The following GOLGA1 variants were observed in gnomAD, a reference collection of about 807,000 sequenced individuals.
GOLGA1 encodes golgin subfamily A member 1.
A neutral mutation model predicts 119.7 loss-of-function variants in GOLGA1; 63 were observed. The observed-to-expected ratio is 0.53, with a 90% CI of 0.43 to 0.65. GOLGA1 has a LOEUF of 0.65. GOLGA1 is among the 30% of genes least tolerant of loss of function. GOLGA1 has a pLI of 0.00. For missense variants in GOLGA1, 798 were observed against 912.8 expected, an observed-to-expected ratio of 0.87 and a Z score of 1.62; for synonymous variants, 318 against 333.4, an observed-to-expected ratio of 0.95 and a Z score of 0.50.
At chr9:124,909,909 C>T (rs894676895) in intron 11 of GOLGA1, among the ~76,000 whole-genome samples, 3 of 152,014 alleles carry the variant, frequency 2.0e-5, no homozygotes, top group Non-Finnish European at 4.4e-5. Flanking sequence ...GAATTACAGG[C>T]ACCCGCCACC....
At chr9:124,920,046 C>T (rs1319990826) in intron 10 of GOLGA1, among the ~76,000 whole-genome samples, 1 of 152,064 alleles carries the variant, frequency 6.6e-6, no homozygotes, top group African/African-American at 2.4e-5. Flanking sequence ...TTGCAACCTC[C>T]ACCTCCCAGG....
intron 11 of GOLGA1, among the ~76,000 whole-genome samples, chr9:124,910,034 A>C (rs1017434227): frequency 6.6e-6 from 1 of 152,124 alleles, no homozygotes; most frequent in Non-Finnish European, 1.5e-5. Context: ...GGTTCAAGCA[A>C]TTCTCCTCCC....
intron 19 of GOLGA1, among the ~76,000 whole-genome samples, chr9:124,885,935 T>C (rs928257941): frequency 1.3e-5 from 2 of 152,104 alleles, no homozygotes; most frequent in South Asian, 4.1e-4. Flanking sequence ...CTGAAGCAGG[T>C]GGCAGCGATG....
At position 124,888,195 on chromosome 9, in the gene GOLGA1, A is replaced by T; in HGVS notation, c.1905+58T>A. The T allele has an allele frequency of 6.5e-7, 1 of 1,530,960 alleles. No homozygotes were observed. Among genetic ancestry groups the T allele is most frequent in the East Asian group, 2.2e-5 (1 of 44,466 alleles). 94.8% of individuals were successfully genotyped at this position (1,530,960 alleles called of 1,614,324 possible). A position where few individuals can be genotyped will look rare whatever the true frequency, so the allele number is the denominator to read the frequency against. ...CTCCAAGGATGGACTGGGTCATTTTAGGCCTGAGGGTGAGGACCTGGTGGA... is the reference window on the plus strand; with the variant it reads ...CTCCAAGGATGGACTGGGTCATTTTTGGCCTGAGGGTGAGGACCTGGTGGA... On this transcript the variant is annotated intron_variant, in intron 19 of 22. Coordinates refer to ENST00000373555, the MANE Select transcript of GOLGA1 (RefSeq NM_002077.4). The surrounding 1 kb of genome is among the most constrained non-coding windows in gnomAD (Gnocchi z 4.4).
intron 12 of GOLGA1, among the ~76,000 whole-genome samples, chr9:124,906,537 G>A (rs1342532942): frequency 6.6e-6 from 1 of 152,094 alleles, no homozygotes; most frequent in East Asian, 1.9e-4. Flanking sequence ...ATCATCTGAG[G>A]TCAGGAGTTT....
At chr9:124,936,082 G>C (rs572090633) in intron 3 of GOLGA1, among the ~76,000 whole-genome samples, 3 of 152,146 alleles carry the variant, frequency 2.0e-5, no homozygotes, top group African/African-American at 7.2e-5. Context: ...CCTGAATCTG[G>C]GTCAATCTCT....
At chr9:124,891,912 TGGG>T (rs1268453909) in intron 15 of GOLGA1, among the ~76,000 whole-genome samples, 1 of 151,880 alleles carries the variant, frequency 6.6e-6, no homozygotes, top group Non-Finnish European at 1.5e-5. Context: ...CCCAAAATGC[TGGG>T]ATTACTGGTT....
At chr9:124,916,889 A>C (rs1296794114) in intron 10 of GOLGA1, among the ~76,000 whole-genome samples, 1 of 149,972 alleles carries the variant, frequency 6.7e-6, no homozygotes, top group Non-Finnish European at 1.5e-5. Context: ...AAAAAAAAAA[A>C]AAAAAAAAAA....
chr9:124,945,627 C>T (rs1831134027), upstream of GOLGA1: 2 of 152,026 alleles, frequency 1.3e-5, no homozygotes, highest in Non-Finnish European at 2.9e-5. Context: ...AAGAATGGTG[C>T]TTCAATCAGT....
chr9:124,945,370 A>G (rs931615941), upstream of GOLGA1: 43 of 152,258 alleles, frequency 2.8e-4, no homozygotes, highest in African/African-American at 1.0e-3. Context: ...AACCTGGCCA[A>G]CATGGTGAAA....
chr9:124,882,027 C>T (rs1053371078), intron 20 of GOLGA1, 73 bp from the exon 21 acceptor site: 3 of 1,138,430 alleles, frequency 2.6e-6, no homozygotes, highest in South Asian at 1.5e-5. Flanking sequence ...GGGAGGTTCA[C>T]CTGGTCCAAA....
At chr9:124,885,106 A>G (rs1308102534) in intron 19 of GOLGA1, among the ~76,000 whole-genome samples, 1 of 152,230 alleles carries the variant, frequency 6.6e-6, no homozygotes, top group Non-Finnish European at 1.5e-5. Flanking sequence ...AGGCGGGCAG[A>G]TCACGAGGTC....
At chr9:124,903,028 C>T (rs1830143284) in intron 12 of GOLGA1, among the ~76,000 whole-genome samples, 1 of 152,114 alleles carries the variant, frequency 6.6e-6, no homozygotes, top group Non-Finnish European at 1.5e-5. Context: ...TTCAGATCTT[C>T]AAGAGATTAA....
At position 124,908,341 on chromosome 9, in the gene GOLGA1, CCCAAA is replaced by C. The variant is rs763846069; in HGVS notation, c.1065+31_1065+35del. 24 of 1,147,662 alleles carry C rather than the reference CCCAAA, an allele frequency of 2.1e-5. No homozygotes were observed. In the Admixed American group the frequency reaches 3.2e-4, roughly 15 times the overall value. 71.1% of individuals were successfully genotyped at this position (1,147,662 alleles called of 1,614,324 possible). A position where few individuals can be genotyped will look rare whatever the true frequency, so the allele number is the denominator to read the frequency against. Reference sequence around the variant, plus strand: ...ATGTTGCCATTCAGCCAGGTTACCACCCAAACTTAGGAAACACCAGGAGTAAGGTC... The same window carrying C: ...ATGTTGCCATTCAGCCAGGTTACCACCTTAGGAAACACCAGGAGTAAGGTC... On this transcript the variant is annotated intron_variant, in intron 12 of 22. Transcript: ENST00000373555.
chr9:124,927,119 G>GT (rs1830689273), intron 6 of GOLGA1, among the ~76,000 whole-genome samples: 1 of 152,128 alleles, frequency 6.6e-6, no homozygotes, highest in African/African-American at 2.4e-5. Context: ...GCTGAGTTGA[G>GT]TAATTCTGGA....
In GOLGA1 at chr9:124,881,197, T is replaced by C. The variant is rs1829572316; in HGVS notation, c.2197A>G (p.Met733Val). 1 of 1,584,222 alleles carries C rather than the reference T, an allele frequency of 6.3e-7. No homozygotes were observed. The highest frequency in any genetic ancestry group is 8.7e-7 in the Non-Finnish European group (1 of 1,152,552). The change falls in exon 22 of 23, where the codon ATG becomes GTG. Residue 733 changes from methionine (M) to valine (V), a missense_variant. Met to Val is a conservative substitution (Grantham distance 21, BLOSUM62 1). Transcript: ENST00000373555. The surrounding 1 kb of genome is among the most constrained non-coding windows in gnomAD (Gnocchi z 4.9). ...TTATATTCCAGAGTTTCCTTGAGCA[T>C]GTTCTCCTCCTCTTGGGAAAAGTTC... ...LLNFSQEEENMLKETLEYKMS... is the reference protein window; with the variant it reads ...LLNFSQEEENVLKETLEYKMS...
At chr9:124,882,394 CAATT>C in intron 20 of GOLGA1, 112 bp downstream of exon 20, 2 of 738,834 alleles carry the variant, frequency 2.7e-6, no homozygotes, top group South Asian at 1.6e-5. Flanking sequence ...CGATCCCTTG[CAATT>C]AATTAGGGGG....
chr9:124,894,137 CCTT>C (rs918694932), intron 15 of GOLGA1, among the ~76,000 whole-genome samples: 6 of 152,272 alleles, frequency 3.9e-5, no homozygotes, highest in African/African-American at 1.4e-4. Context: ...ACTACTCAAT[CCTT>C]CTTGTAGCGC....
chr9:124,914,747 G>A (rs181467001), intron 10 of GOLGA1, among the ~76,000 whole-genome samples: 4 of 152,216 alleles, frequency 2.6e-5, no homozygotes, highest in Non-Finnish European at 5.9e-5. Flanking sequence ...ACCTATTAGC[G>A]ATAGATGAAG....
Sources: allele counts gnomAD v4.1 joint callset (sites outside exome capture counted in the v4.1 genomes callset), GRCh38; gene constraint gnomAD v4.1.1; non-coding constraint Gnocchi (gnomAD v3.1); transcripts MANE v1.5; gene names NCBI Gene and HGNC (gene_info 2026-07-23, HGNC 2026-07-21).